Variants in RIMOC1 observed in about 807,000 individuals in gnomAD.
The protein encoded by RIMOC1 is RAB7A interacting MON1-CCZ1 complex subunit 1.
At chr5:41,911,161 A>G in the RIMOC1 span, 1 of 1,603,548 alleles carries the variant, frequency 6.2e-7, no homozygotes, top group African/African-American at 1.3e-5. Context: ...TCTTAAGAAA[A>G]TCCAGTTTGC....
the RIMOC1 span, among the ~76,000 whole-genome samples, chr5:41,914,650 G>A: frequency 2.6e-5 from 4 of 151,868 alleles, no homozygotes; most frequent in Admixed American, 6.6e-5. Context: ...CATGACTGTA[G>A]TTCCAGCTAC....
At chr5:41,910,999 T>A in the RIMOC1 span, 1 of 1,582,220 alleles carries the variant, frequency 6.3e-7, no homozygotes, top group Non-Finnish European at 8.6e-7. Context: ...TCAACTTTTA[T>A]AGACATCCAG....
the RIMOC1 span, among the ~76,000 whole-genome samples, chr5:41,910,464 A>G: frequency 2.6e-5 from 4 of 151,706 alleles, no homozygotes; most frequent in Non-Finnish European, 4.4e-5. Flanking sequence ...TGTCATCTCT[A>G]TTTGGATAAT....
At chr5:41,912,930 C>G in the RIMOC1 span, among the ~76,000 whole-genome samples, 1 of 152,246 alleles carries the variant, frequency 6.6e-6, no homozygotes, top group Admixed American at 6.5e-5. Context: ...AGAGCTGGTA[C>G]AGTGGCTCCA....
chr5:41,904,434 A>C, the RIMOC1 span: 6 of 1,614,162 alleles, frequency 3.7e-6, no homozygotes, highest in African/African-American at 1.3e-5. Context: ...TCAGGCCCAC[A>C]TACAGCAACT....
the RIMOC1 span, chr5:41,917,141 G>A: frequency 6.2e-7 from 1 of 1,613,668 alleles, no homozygotes; most frequent in African/African-American, 1.3e-5. Context: ...GTCTGGAGCG[G>A]GCTGCACTAC....
the RIMOC1 span, chr5:41,918,974 T>C: frequency 6.5e-6 from 1 of 154,148 alleles, no homozygotes; most frequent in Admixed American, 6.5e-5. Context: ...TTTTAGGTAT[T>C]GATCTTCACT....
At chr5:41,919,248 A>G in the RIMOC1 span, 1 of 152,042 alleles carries the variant, frequency 6.6e-6, no homozygotes, top group Non-Finnish European at 1.5e-5. Flanking sequence ...CTGCTTTGTA[A>G]GTTTTCTCTT....
At chr5:41,909,120 T>A in the RIMOC1 span, among the ~76,000 whole-genome samples, 1 of 152,146 alleles carries the variant, frequency 6.6e-6, no homozygotes, top group Admixed American at 6.5e-5. Flanking sequence ...AGTTAAGTGA[T>A]TAGTGGTAGA....
chr5:41,917,131 G>A, the RIMOC1 span: 1 of 1,613,888 alleles, frequency 6.2e-7, no homozygotes, highest in Non-Finnish European at 8.5e-7. Flanking sequence ...ATACTAGTGT[G>A]TCTGGAGCGG....
the RIMOC1 span, chr5:41,912,127 A>G: frequency 6.2e-7 from 1 of 1,612,286 alleles, no homozygotes; most frequent in East Asian, 2.2e-5. Flanking sequence ...TGTCCTATCC[A>G]GTTAAATGAA....
At chr5:41,912,184 G>T in the RIMOC1 span, 5 of 1,521,858 alleles carry the variant, frequency 3.3e-6, no homozygotes, top group Non-Finnish European at 4.5e-6. Flanking sequence ...CTGAGTGCAG[G>T]TAATGTGATC....
chr5:41,914,617 A>G, the RIMOC1 span, among the ~76,000 whole-genome samples: 1 of 151,920 alleles, frequency 6.6e-6, no homozygotes, highest in East Asian at 1.9e-4. Context: ...AAAAAAAAAA[A>G]AAATTAGCCA....
At chr5:41,913,913 A>T in the RIMOC1 span, among the ~76,000 whole-genome samples, 1 of 152,240 alleles carries the variant, frequency 6.6e-6, no homozygotes, top group Non-Finnish European at 1.5e-5. Context: ...TATACTAGTT[A>T]TTAGTTATTT....
chr5:41,904,792 C>G, the RIMOC1 span, among the ~76,000 whole-genome samples: 2 of 152,116 alleles, frequency 1.3e-5, no homozygotes, highest in East Asian at 3.9e-4. Context: ...AAATAAATGG[C>G]TAAGATGAAT....
At chr5:41,917,053 C>G in the RIMOC1 span, 35 of 1,611,768 alleles carry the variant, frequency 2.2e-5, no homozygotes, top group Non-Finnish European at 3.0e-5. Flanking sequence ...CTATGATGTA[C>G]AGTGGAGAAA....
chr5:41,916,275 G>A, the RIMOC1 span: 1 of 420,600 alleles, frequency 2.4e-6, no homozygotes, highest in Admixed American at 6.4e-5. Flanking sequence ...CACAAAGCCA[G>A]TAATTTATAC....
chr5:41,917,992 T>C, the RIMOC1 span: 1 of 985,020 alleles, frequency 1.0e-6, no homozygotes, highest in Non-Finnish European at 1.2e-6. Context: ...GCTAGGTTAG[T>C]CTACCATTAG....
At chr5:41,910,993 C>G in the RIMOC1 span, 27 of 1,577,004 alleles carry the variant, frequency 1.7e-5, no homozygotes, top group East Asian at 5.7e-4. Context: ...TTAACTTCAA[C>G]TTTTATAGAC....
Sources: allele counts gnomAD v4.1 joint callset (sites outside exome capture counted in the v4.1 genomes callset), GRCh38; gene constraint gnomAD v4.1.1; transcripts MANE v1.5; gene names NCBI Gene and HGNC (gene_info 2026-07-23, HGNC 2026-07-21).